The following WAPL variants were observed in gnomAD, a reference collection of about 807,000 sequenced individuals.
WAPL encodes the protein wings apart-like protein homolog.
Under a neutral mutation model 121.0 loss-of-function variants are expected in WAPL, and 5 were observed. The observed-to-expected ratio is 0.04, with a 90% CI of 0.02 to 0.09. The LOEUF (loss-of-function observed/expected upper bound fraction) is 0.09. Among genes scored for constraint, WAPL ranks in the 10% least tolerant of loss-of-function variants. The pLI is 1.00. For synonymous variants in WAPL, 480 were observed against 481.5 expected, an observed-to-expected ratio of 1.00 and a Z score of 0.04; for missense variants, 999 against 1,410.8, an observed-to-expected ratio of 0.71 and a Z score of 4.68.
rs1849331895 is a variant in WAPL, at chr10:86,436,718, G to A, written c.*825C>T. The A allele has an allele frequency of 6.6e-6, 1 of 152,576 alleles. No individual in the cohort carries two copies. Among genetic ancestry groups the A allele is most frequent in the Non-Finnish European group, 1.5e-5 (1 of 68,040 alleles). 9.5% of individuals were successfully genotyped at this position (152,576 alleles called of 1,614,324 possible). On this transcript the variant is annotated 3_prime_UTR_variant, in exon 19 of 19. Coordinates refer to ENST00000298767, the MANE Select transcript of WAPL (RefSeq NM_015045.5). ...TCCTCAAAATCTAATAATGTTTTAA[G>A]AGCCTCCCTAGCATTAAGTGTAAAC... is the stretch of plus-strand genomic sequence containing the variant.
intron 2 of WAPL, among the ~76,000 whole-genome samples, chr10:86,508,758 C>CT (rs34530024): frequency 0.66 from 76,951 of 116,408 alleles, 27,909 homozygotes; most frequent in Non-Finnish European, 0.75. Context: ...ATTGAAAGTT[C>CT]TTTTTTTTTT....
In WAPL at chr10:86,437,372, T is replaced by C; in HGVS notation, c.*171A>G. On this transcript the variant is annotated 3_prime_UTR_variant, in exon 19 of 19. Transcript: ENST00000298767. ...GCAGATTGATGTAGTAACTGTCATT[T>C]AGCAAATGCCGAATGCATGACGAAG... The C allele has an allele frequency of 1.7e-6, 1 of 603,408 alleles. No homozygotes were observed. Among genetic ancestry groups the C allele is most frequent in the South Asian group, 2.2e-5 (1 of 44,756 alleles). The allele number at this position is 603,408 out of a possible 1,614,324, so 37.4% of individuals were successfully genotyped here. A position where few individuals can be genotyped will look rare whatever the true frequency, so the allele number is the denominator to read the frequency against.
chr10:86,441,573 G>GAA lies in WAPL; in HGVS notation c.3411+1700_3411+1701dup, dbSNP rs34758995. 6.2e-3 allele frequency among the ~76,000 whole-genome samples: 846 copies of GAA among 135,546 alleles called. 4 individuals carry two copies. Among genetic ancestry groups the GAA allele is most frequent in the African/African-American group, 0.013 (457 of 36,318 alleles). The allele number at this position is 135,546 out of a possible 152,430, so 88.9% of individuals were successfully genotyped here. On this transcript the variant is annotated intron_variant, in intron 17 of 18. Transcript: ENST00000298767. ...ATGTATTTCCAGCCAATGCACCTAT[G>GAA]AAAAAAAAAAAAAAACTATAGAGGA...
Position 86,472,436 on chromosome 10 carries a change from T to C in WAPL, c.1894-92A>G, listed in dbSNP as rs898820112. On this transcript the variant is annotated intron_variant, in intron 6 of 18. Coordinates refer to ENST00000298767, the MANE Select transcript of WAPL (RefSeq NM_015045.5). The surrounding 1 kb of genome is among the most constrained non-coding windows in gnomAD (Gnocchi z 4.2). The stretch of plus-strand genomic sequence containing the variant: ...CTGTACTTTACATAAGTGCATAAAA[T>C]AGTTCATTAGATGGCAACAAAAATA... 16 of 1,521,868 alleles carry C rather than the reference T, an allele frequency of 1.1e-5. No individual in the cohort carries two copies. The highest frequency in any genetic ancestry group is 3.7e-4 in the Middle Eastern group (2 of 5,424). 94.3% of individuals were successfully genotyped at this position (1,521,868 alleles called of 1,614,324 possible).
chr10:86,472,825 A>C lies in WAPL; in HGVS notation c.1741-61T>G. 6.2e-6 allele frequency: 9 copies of C among 1,457,776 alleles called. No homozygotes were observed. Among genetic ancestry groups the C allele is most frequent in the Middle Eastern group, 2.5e-4 (1 of 4,050 alleles). 90.3% of individuals were successfully genotyped at this position (1,457,776 alleles called of 1,614,324 possible). A position where few individuals can be genotyped will look rare whatever the true frequency, so the allele number is the denominator to read the frequency against. On this transcript the variant is annotated intron_variant, in intron 5 of 18. Transcript: ENST00000298767. This position sits in a 1 kb window ranked among gnomAD's most constrained non-coding sequence, Gnocchi z 4.2. ...AAATATATAAAAATAGGAACGTCTCATCTATCTGGCAAATTCAGCTTCAAA... is the reference window on the plus strand; with the variant it reads ...AAATATATAAAAATAGGAACGTCTCCTCTATCTGGCAAATTCAGCTTCAAA...
intron 2 of WAPL, among the ~76,000 whole-genome samples, chr10:86,504,684 T>C (rs1842311271): frequency 6.6e-6 from 1 of 150,938 alleles, no homozygotes; most frequent in Admixed American, 6.6e-5. Context: ...AACAGGGACA[T>C]AGCAGTACGT....
In WAPL at chr10:86,477,569, G is replaced by A. The variant is rs879752333; in HGVS notation, c.1645-3596C>T. 5.9e-5 allele frequency among the ~76,000 whole-genome samples: 9 copies of A among 152,082 alleles called. No individual in the cohort carries two copies. The South Asian group carries it at 1.0e-3, about 18-fold the overall frequency. On this transcript the variant is annotated intron_variant, in intron 4 of 18. Coordinates refer to ENST00000298767, the MANE Select transcript of WAPL (RefSeq NM_015045.5). ...TGTAATCCCAGCATTTTGGTAGGCC[G>A]AGACAGGTGGATCACCTGAGGTCAG...
intron 11 of WAPL, 132 bp from the exon 12 acceptor site, chr10:86,459,197 T>C (rs1841216016): frequency 2.0e-5 from 13 of 637,800 alleles, no homozygotes; most frequent in Non-Finnish European, 3.4e-5. Context: ...AAGGGAATAA[T>C]TTCACAACCT....
At chr10:86,487,191 T>C (rs1325751343) in intron 4 of WAPL, among the ~76,000 whole-genome samples, 6 of 151,678 alleles carry the variant, frequency 4.0e-5, no homozygotes, top group African/African-American at 1.5e-4. Flanking sequence ...AATGAAAAGG[T>C]AGAAGTCAAA....
chr10:86,486,541 T>C (rs1841933502), intron 4 of WAPL, among the ~76,000 whole-genome samples: 1 of 152,188 alleles, frequency 6.6e-6, no homozygotes, highest in South Asian at 2.1e-4. Flanking sequence ...AGAAGCCCCC[T>C]ATCCAGTGTC....
At chr10:86,512,931 T>C (rs1842493112) in intron 2 of WAPL, among the ~76,000 whole-genome samples, 1 of 152,164 alleles carries the variant, frequency 6.6e-6, no homozygotes, top group African/African-American at 2.4e-5. Context: ...AACAGGACAT[T>C]TTAGCAACAC....
At chr10:86,520,578 A>G (rs567331787) in intron 1 of WAPL, among the ~76,000 whole-genome samples, 1 of 152,238 alleles carries the variant, frequency 6.6e-6, no homozygotes, top group South Asian at 2.1e-4. Flanking sequence ...AGATTCCAAA[A>G]TAAGTGTGCA....
In WAPL at chr10:86,500,106, G is replaced by A. The variant is rs1201407320; in HGVS notation, c.1137C>T (p.Arg379=). 3.1e-6 allele frequency: 5 copies of A among 1,614,096 alleles called. No homozygotes were observed. In the South Asian group the frequency reaches 5.5e-5, roughly 18 times the overall value. Residue 379 remains arginine, a synonymous_variant, in exon 3 of 19, where the codon CGC becomes CGT. Coordinates refer to ENST00000298767, the MANE Select transcript of WAPL (RefSeq NM_015045.5). ...TGGATGCAGTGAACTCATCCATGCT[G>A]CGTTCCATAGTATCCTGTATGGTAA... ...CNVTIQDTME[R]SMDEFTASTP...
intron 8 of WAPL, among the ~76,000 whole-genome samples, chr10:86,469,746 C>T (rs949705501): frequency 2.0e-5 from 3 of 152,134 alleles, no homozygotes; most frequent in Non-Finnish European, 4.4e-5. Flanking sequence ...AAGCATCAGA[C>T]CAGGTGTCTG....
intron 12 of WAPL, among the ~76,000 whole-genome samples, chr10:86,454,101 A>C (rs1447077171): frequency 6.6e-6 from 1 of 152,186 alleles, no homozygotes; most frequent in Non-Finnish European, 1.5e-5. Context: ...GACAGACCAC[A>C]ACCCTTTCTC....
intron 12 of WAPL, among the ~76,000 whole-genome samples, chr10:86,456,601 G>GT (rs1841152964): frequency 6.6e-6 from 1 of 152,142 alleles, no homozygotes; most frequent in Admixed American, 6.5e-5. Context: ...TAAAGAAACC[G>GT]TATCTAATCT....
chr10:86,510,526 T>C (rs1842442404), intron 2 of WAPL, among the ~76,000 whole-genome samples: 1 of 152,208 alleles, frequency 6.6e-6, no homozygotes, highest in African/African-American at 2.4e-5. Context: ...TGTTTATAAA[T>C]TTCATATTTT....
chr10:86,520,967 A>G lies in WAPL; in HGVS notation c.-23+398T>C, dbSNP rs1564594231. On this transcript the variant is annotated intron_variant, in intron 1 of 18. Coordinates refer to ENST00000298767, the MANE Select transcript of WAPL (RefSeq NM_015045.5). ...GTGGGCGCGATGGACCCCTCGGACT[A>G]GACACTCAATGCAACTTTTCTCCTC... Among the ~76,000 whole-genome samples, 9 of 152,026 alleles carry G rather than the reference A, an allele frequency of 5.9e-5. No homozygotes were observed. In the South Asian group the frequency reaches 1.9e-3, roughly 32 times the overall value.
At chr10:86,473,799 C>A in intron 5 of WAPL, 79 bp downstream of exon 5, 3 of 1,147,458 alleles carry the variant, frequency 2.6e-6, no homozygotes, top group Non-Finnish European at 2.5e-6. Context: ...CAAAGATTTA[C>A]AAATTATGAA....
Sources: gnomAD v4.1 joint callset for allele counts (sites outside exome capture counted in the v4.1 genomes callset) on GRCh38, gnomAD v4.1.1 for gene constraint, Gnocchi (gnomAD v3.1) non-coding constraint, MANE v1.5 for transcripts, NCBI Gene and HGNC (gene_info 2026-07-23, HGNC 2026-07-21) for gene names.